The following HNRNPC variants were observed in gnomAD, a reference collection of about 807,000 sequenced individuals.
The protein encoded by HNRNPC is heterogeneous nuclear ribonucleoprotein C.
A neutral mutation model predicts 33.2 loss-of-function variants in HNRNPC; 3 were observed. The observed-to-expected ratio is 0.09, with a 90% CI of 0.04 to 0.23. HNRNPC has a LOEUF of 0.23. Ranked by LOEUF, HNRNPC falls within the 10% of genes least tolerant of loss-of-function variation. The pLI, the probability that HNRNPC is intolerant of heterozygous loss-of-function variation, is 1.00. For missense variants in HNRNPC, 143 were observed against 366.7 expected, an observed-to-expected ratio of 0.39 and a Z score of 4.98; for synonymous variants, 121 against 126.7, an observed-to-expected ratio of 0.96 and a Z score of 0.30.
At chr14:21,260,117 G>T (rs188245414) in intron 2 of HNRNPC, among the ~76,000 whole-genome samples, 1 of 107,246 alleles carries the variant, frequency 9.3e-6, no homozygotes, top group African/African-American at 4.1e-5. Context: ...GGAGAATGGC[G>T]TGAACCTGGG....
intron 2 of HNRNPC, among the ~76,000 whole-genome samples, chr14:21,260,048 A>C (rs1169161863): frequency 6.8e-6 from 1 of 148,132 alleles, no homozygotes; most frequent in African/African-American, 2.5e-5. Flanking sequence ...ACATACAAAA[A>C]AATTAGCCGG....
At chr14:21,215,946 G>GAA (rs35342046) in intron 5 of HNRNPC, among the ~76,000 whole-genome samples, 68 of 139,400 alleles carry the variant, frequency 4.9e-4, no homozygotes, top group South Asian at 9.2e-4. Flanking sequence ...AAAAGAAAAA[G>GAA]AAAAAAAAAA....
intron 3 of HNRNPC, among the ~76,000 whole-genome samples, chr14:21,233,563 T>G (rs1222797849): frequency 6.6e-6 from 1 of 152,098 alleles, no homozygotes; most frequent in African/African-American, 2.4e-5. Flanking sequence ...CAAGAAAATC[T>G]AACACTGAGC....
At chr14:21,226,899 G>A (rs866275123) in intron 5 of HNRNPC, among the ~76,000 whole-genome samples, 12 of 106,382 alleles carry the variant, frequency 1.1e-4, no homozygotes, top group African/African-American at 3.1e-4. Flanking sequence ...AAAAAAAGGG[G>A]GGGGGGGGAC....
At chr14:21,268,317 G>A (rs1879356250) in intron 1 of HNRNPC, among the ~76,000 whole-genome samples, 1 of 152,120 alleles carries the variant, frequency 6.6e-6, no homozygotes, top group Non-Finnish European at 1.5e-5. Flanking sequence ...TATCCCGAAA[G>A]TCAAATTTTG....
chr14:21,247,543 A>G (rs1282772408), intron 2 of HNRNPC, among the ~76,000 whole-genome samples: 1 of 152,176 alleles, frequency 6.6e-6, no homozygotes, highest in Non-Finnish European at 1.5e-5. Flanking sequence ...TGTACCCCGA[A>G]AAGTTACACT....
chr14:21,216,185 G>A (rs1201178179), intron 5 of HNRNPC, among the ~76,000 whole-genome samples: 1 of 143,018 alleles, frequency 7.0e-6, no homozygotes, highest in East Asian at 2.1e-4. Flanking sequence ...AGCATTACAA[G>A]ACATGTACTA....
At chr14:21,219,122 AAAG>A (rs1555351427) in intron 5 of HNRNPC, among the ~76,000 whole-genome samples, 4 of 150,392 alleles carry the variant, frequency 2.7e-5, no homozygotes, top group Admixed American at 6.8e-5. Flanking sequence ...AAAAAAAAAA[AAAG>A]AAGAAAAAGA....
intron 7 of HNRNPC, 35 bp from the exon 8 acceptor site, chr14:21,211,601 G>A (rs772688875): frequency 4.4e-6 from 7 of 1,584,070 alleles, no homozygotes; most frequent in Non-Finnish European, 6.0e-6. Flanking sequence ...TCTAGGGGCA[G>A]TAATGTCCAC....
At chr14:21,217,035 A>G (rs1361050575) in intron 5 of HNRNPC, among the ~76,000 whole-genome samples, 1 of 152,244 alleles carries the variant, frequency 6.6e-6, no homozygotes, top group African/African-American at 2.4e-5. Context: ...CTATGTTAAC[A>G]GTCCCATGAA....
At chr14:21,220,470 C>G (rs1304221667) in intron 5 of HNRNPC, among the ~76,000 whole-genome samples, 1 of 152,178 alleles carries the variant, frequency 6.6e-6, no homozygotes, top group Admixed American at 6.5e-5. Context: ...CCCAGGTGAT[C>G]CGCTCGCCTC....
At chr14:21,245,084 CAAAAA>C (rs71112560) in intron 2 of HNRNPC, among the ~76,000 whole-genome samples, 14,641 of 53,922 alleles carry the variant, frequency 0.27, 707 homozygotes, top group Admixed American at 0.35. Flanking sequence ...GACTCCATCT[CAAAAA>C]AAAAAAAAAA....
intron 5 of HNRNPC, among the ~76,000 whole-genome samples, chr14:21,216,120 CAAAAAAA>C (rs370660995): frequency 0.24 from 21,268 of 87,862 alleles, 1,799 homozygotes; most frequent in South Asian, 0.33. Flanking sequence ...CCTCCACCAC[CAAAAAAA>C]AAAAAAAAAA....
chr14:21,257,155 T>C (rs1267002942), intron 2 of HNRNPC, among the ~76,000 whole-genome samples: 1 of 152,214 alleles, frequency 6.6e-6, no homozygotes, highest in African/African-American at 2.4e-5. Context: ...AGAGTTGTCA[T>C]GCAGGTAAAC....
chr14:21,267,268 A>G lies in HNRNPC; in HGVS notation c.-63+2030T>C, dbSNP rs141330414. Among the ~76,000 whole-genome samples, 681 of 152,208 alleles carry G rather than the reference A, an allele frequency of 4.5e-3. 7 individuals carry two copies. Among genetic ancestry groups the G allele is most frequent in the African/African-American group, 0.016 (647 of 41,534 alleles). On this transcript the variant is annotated intron_variant, in intron 1 of 8. Coordinates refer to ENST00000553300, the MANE Select transcript of HNRNPC (RefSeq NM_004500.4). ...ATTTGCCTAAGGAGGATTAAAATCT[A>G]TTTCTCCTAACTCCTAGGCAAACTT...
intron 2 of HNRNPC, among the ~76,000 whole-genome samples, chr14:21,246,782 C>T (rs573197755): frequency 3.3e-5 from 5 of 152,134 alleles, no homozygotes; most frequent in Non-Finnish European, 4.4e-5. Flanking sequence ...TTTCTTCAGC[C>T]TAAACCACCC....
intron 2 of HNRNPC, among the ~76,000 whole-genome samples, chr14:21,251,196 G>C (rs1388511298): frequency 7.6e-6 from 1 of 132,046 alleles, no homozygotes; most frequent in Non-Finnish European, 1.5e-5. Flanking sequence ...GGGAGGCAGA[G>C]CTTGCAGTGA....
chr14:21,215,963 AAC>A (rs1162778838), intron 5 of HNRNPC, among the ~76,000 whole-genome samples: 1 of 151,648 alleles, frequency 6.6e-6, no homozygotes, highest in African/African-American at 2.4e-5. Context: ...AAAACAACAA[AAC>A]ACACCAGCTG....
chr14:21,261,144 C>T (rs533929287), intron 2 of HNRNPC, among the ~76,000 whole-genome samples: 1 of 152,138 alleles, frequency 6.6e-6, no homozygotes, highest in South Asian at 2.1e-4. Flanking sequence ...CTTATTTTGG[C>T]ATGCTTCTAT....
Sources: gnomAD v4.1 joint callset for allele counts (sites outside exome capture counted in the v4.1 genomes callset) on GRCh38, gnomAD v4.1.1 for gene constraint, MANE v1.5 for transcripts, NCBI Gene and HGNC (gene_info 2026-07-23, HGNC 2026-07-21) for gene names.